NRXN1: variants seen among roughly 807,000 people sequenced by gnomAD.
NRXN1 encodes neurexin 1.
Under a neutral mutation model 150.9 loss-of-function variants are expected in NRXN1, and 39 were observed. That is an observed-to-expected ratio of 0.26 (90% confidence interval 0.20 to 0.34). The LOEUF (loss-of-function observed/expected upper bound fraction) is 0.34, where lower values mean the gene tolerates loss of function less well. NRXN1 is among the 10% of genes least tolerant of loss of function. The pLI, the probability that NRXN1 is intolerant of heterozygous loss-of-function variation, is 1.00. For missense variants in NRXN1, 1,815 were observed against 1,949.9 expected, an observed-to-expected ratio of 0.93 and a Z score of 1.30; for synonymous variants, 924 against 757.0, an observed-to-expected ratio of 1.22 and a Z score of -3.62.
intron 21 of NRXN1, among the ~76,000 whole-genome samples, chr2:49,986,789 C>T (rs62134609): frequency 0.36 from 54,760 of 151,948 alleles, 10,578 homozygotes; most frequent in South Asian, 0.46. Flanking sequence ...TTAGGTTGGG[C>T]ATGGTCACTC....
At chr2:50,941,428 C>T (rs1384009404) in intron 2 of NRXN1, among the ~76,000 whole-genome samples, 1 of 152,094 alleles carries the variant, frequency 6.6e-6, no homozygotes, top group East Asian at 1.9e-4. Flanking sequence ...TTGGAACTTC[C>T]TAGAGTCTTG....
intron 8 of NRXN1, among the ~76,000 whole-genome samples, chr2:50,595,357 T>G (rs1050975664): frequency 1.3e-5 from 2 of 151,918 alleles, no homozygotes; most frequent in Non-Finnish European, 2.9e-5. Context: ...CTGTACTACT[T>G]TTTTGCAAGA....
At chr2:50,445,065 G>A (rs541610383) in intron 17 of NRXN1, among the ~76,000 whole-genome samples, 34 of 152,164 alleles carry the variant, frequency 2.2e-4, no homozygotes, top group Admixed American at 2.1e-3. Flanking sequence ...CATAATAAAA[G>A]CAGACTTTGC....
intron 5 of NRXN1, among the ~76,000 whole-genome samples, chr2:50,830,494 A>G (rs1266456173): frequency 6.6e-6 from 1 of 151,912 alleles, no homozygotes; most frequent in East Asian, 1.9e-4. Context: ...ATGAAAAAAA[A>G]AAAAGTTCAA....
chr2:50,835,002 T>G (rs1671915432), intron 5 of NRXN1, among the ~76,000 whole-genome samples: 1 of 152,186 alleles, frequency 6.6e-6, no homozygotes, highest in Non-Finnish European at 1.5e-5. Context: ...TTCTTTCATA[T>G]CAGAAAGGCA....
At chr2:50,291,740 A>C (rs1172411416) in intron 17 of NRXN1, among the ~76,000 whole-genome samples, 1 of 152,210 alleles carries the variant, frequency 6.6e-6, no homozygotes, top group East Asian at 1.9e-4. Flanking sequence ...TGAAAAGAGC[A>C]AGTGTAGATT....
chr2:50,857,449 A>G (rs557964672), intron 5 of NRXN1, among the ~76,000 whole-genome samples: 2 of 152,160 alleles, frequency 1.3e-5, no homozygotes, highest in South Asian at 4.1e-4. Flanking sequence ...TCCTTTGTAG[A>G]GGATGATCAC....
rs765980057 is a variant in NRXN1, at chr2:50,091,301, C to T, written c.3718+22G>A. The T allele has an allele frequency of 9.3e-6, 15 of 1,613,510 alleles. No homozygotes were observed. The East Asian group carries it at 1.3e-4, about 14-fold the overall frequency. ...GTTTGTTTTTCATAAAATCTTCCCC[C>T]GATACATATTCACTTGCTTACCTGC... On this transcript the variant is annotated intron_variant, in intron 19 of 22. Coordinates refer to ENST00000401669, the MANE Select transcript of NRXN1 (RefSeq NM_001330078.2).
At chr2:50,774,629 C>A (rs1703388564) in intron 5 of NRXN1, among the ~76,000 whole-genome samples, 1 of 152,030 alleles carries the variant, frequency 6.6e-6, no homozygotes, top group South Asian at 2.1e-4. Flanking sequence ...ATTGACTAGA[C>A]TATGCATTTA....
At chr2:50,789,975 G>C (rs1375327802) in intron 5 of NRXN1, among the ~76,000 whole-genome samples, 3 of 152,070 alleles carry the variant, frequency 2.0e-5, no homozygotes, top group Non-Finnish European at 4.4e-5. Flanking sequence ...AGCAGGATTG[G>C]CTCTTATCAT....
chr2:50,669,032 A>C (rs1467740339), intron 5 of NRXN1, among the ~76,000 whole-genome samples: 1 of 151,922 alleles, frequency 6.6e-6, no homozygotes, highest in African/African-American at 2.4e-5. Context: ...TGGGAACTGG[A>C]GAGAAGAAAA....
chr2:50,882,016 A>T (rs573126413), intron 5 of NRXN1, among the ~76,000 whole-genome samples: 2 of 151,984 alleles, frequency 1.3e-5, no homozygotes, highest in South Asian at 2.1e-4. Context: ...CATATGCTCA[A>T]ATTTTTGTTC....
At chr2:50,296,462 G>A (rs1020856307) in intron 17 of NRXN1, among the ~76,000 whole-genome samples, 1 of 151,922 alleles carries the variant, frequency 6.6e-6, no homozygotes, top group Non-Finnish European at 1.5e-5. Context: ...CACCTGAATA[G>A]TTCCCAGTGT....
intron 17 of NRXN1, among the ~76,000 whole-genome samples, chr2:50,342,220 A>T (rs1185375548): frequency 6.6e-6 from 1 of 152,258 alleles, no homozygotes; most frequent in Non-Finnish European, 1.5e-5. Flanking sequence ...GGGCAACCAA[A>T]AAATTATTCT....
intron 8 of NRXN1, among the ~76,000 whole-genome samples, chr2:50,592,124 C>T (rs1674366227): frequency 6.6e-6 from 1 of 152,212 alleles, no homozygotes; most frequent in African/African-American, 2.4e-5. Context: ...CTCATTTAAT[C>T]CTCACTATAA....
intron 17 of NRXN1, among the ~76,000 whole-genome samples, chr2:50,359,064 C>A: frequency 6.6e-6 from 1 of 152,100 alleles, no homozygotes; most frequent in East Asian, 1.9e-4. Context: ...GCATCAACAT[C>A]AACAGAAAGA....
At chr2:50,925,981 A>G in intron 2 of NRXN1, 26 bp from the exon 3 acceptor site, 1 of 1,562,306 alleles carries the variant, frequency 6.4e-7, no homozygotes, top group Non-Finnish European at 8.7e-7. Context: ...AAGGAGGGAG[A>G]GAAAAGGAAA....
chr2:50,147,600 G>C (rs1472247286), intron 18 of NRXN1, among the ~76,000 whole-genome samples: 5 of 151,566 alleles, frequency 3.3e-5, no homozygotes, highest in Non-Finnish European at 1.5e-5. Flanking sequence ...GTGATTGACT[G>C]TAATATGAAG....
intron 21 of NRXN1, among the ~76,000 whole-genome samples, chr2:50,046,215 C>G (rs1201779755): frequency 6.6e-6 from 1 of 152,116 alleles, no homozygotes; most frequent in Non-Finnish European, 1.5e-5. Flanking sequence ...CAGGACTGTC[C>G]CAGCATTGCA....
Sources: allele counts gnomAD v4.1 joint callset (sites outside exome capture counted in the v4.1 genomes callset), GRCh38; gene constraint gnomAD v4.1.1; transcripts MANE v1.5; gene names NCBI Gene and HGNC (gene_info 2026-07-23, HGNC 2026-07-21).